GMDS: variants seen among roughly 807,000 people sequenced by gnomAD.
GMDS encodes GDP-mannose 4,6 dehydratase.
In GMDS, 20 loss-of-function variants were observed where a neutral mutation model predicts 49.9. The ratio of observed to expected loss-of-function variants is 0.40; its 90% CI spans 0.28 to 0.58. GMDS has a LOEUF of 0.58. Ranked by LOEUF, GMDS falls within the 20% of genes least tolerant of loss-of-function variation. GMDS has a pLI of 0.42. For missense variants in GMDS, 362 were observed against 481.4 expected, an observed-to-expected ratio of 0.75 and a Z score of 2.32; for synonymous variants, 177 against 178.6, an observed-to-expected ratio of 0.99 and a Z score of 0.07.
At chr6:1,933,904 T>C (rs1762407234) in intron 6 of GMDS, among the ~76,000 whole-genome samples, 1 of 152,228 alleles carries the variant, frequency 6.6e-6, no homozygotes, top group South Asian at 2.1e-4. Context: ...TTTGTCTACA[T>C]TCGCTTGTGT....
At chr6:1,976,247 C>T (rs1002178197) in intron 4 of GMDS, among the ~76,000 whole-genome samples, 3 of 152,170 alleles carry the variant, frequency 2.0e-5, no homozygotes, top group Admixed American at 6.5e-5. Context: ...CTTCAACTGA[C>T]CAATATTTGA....
At chr6:1,693,577 T>C (rs1030014629) in intron 9 of GMDS, among the ~76,000 whole-genome samples, 2 of 152,210 alleles carry the variant, frequency 1.3e-5, no homozygotes, top group Admixed American at 1.3e-4. Context: ...TATTTCCATA[T>C]ATTTTTGTTG....
rs572333814 is a variant in GMDS, at chr6:1,784,331, G to T, written c.772-41745C>A. On this transcript the variant is annotated intron_variant, in intron 7 of 10. Transcript: ENST00000380815. Reference sequence around the variant, plus strand: ...CACTTGAACCTGGGAGGTGGAGGTGGCAGTGAGCCAAGATCACGCCACTGC... The same window carrying T: ...CACTTGAACCTGGGAGGTGGAGGTGTCAGTGAGCCAAGATCACGCCACTGC... Among the ~76,000 whole-genome samples the T allele has an allele frequency of 1.5e-4, 22 of 147,672 alleles. No individual in the cohort carries two copies. In the East Asian group the frequency reaches 4.4e-3, roughly 29 times the overall value.
intron 4 of GMDS, among the ~76,000 whole-genome samples, chr6:1,973,702 A>T (rs975148140): frequency 2.6e-5 from 4 of 152,202 alleles, no homozygotes; most frequent in African/African-American, 9.6e-5. Flanking sequence ...CTATAATTAC[A>T]TTTAAAATGG....
chr6:1,969,243 CAG>C (rs1439594017), intron 4 of GMDS, among the ~76,000 whole-genome samples: 1 of 99,118 alleles, frequency 1.0e-5, no homozygotes, highest in East Asian at 3.4e-4. Context: ...GCCTGGGTGA[CAG>C]AGTGAGGCTC....
At chr6:1,853,675 G>A (rs1757815241) in intron 7 of GMDS, among the ~76,000 whole-genome samples, 1 of 152,128 alleles carries the variant, frequency 6.6e-6, no homozygotes, top group African/African-American at 2.4e-5. Context: ...AGAGCCTAAT[G>A]AAAATTTCAT....
intron 7 of GMDS, among the ~76,000 whole-genome samples, chr6:1,846,085 T>C (rs538439547): frequency 0.012 from 1,814 of 149,514 alleles, 40 homozygotes; most frequent in African/African-American, 0.042. Flanking sequence ...TGTTTCTTTT[T>C]TTTTTTTTTT....
intron 1 of GMDS, among the ~76,000 whole-genome samples, chr6:2,179,025 G>A (rs961337565): frequency 1.3e-5 from 2 of 152,168 alleles, no homozygotes; most frequent in Non-Finnish European, 2.9e-5. Flanking sequence ...GGCATAAACA[G>A]CGAATAAGAA....
intron 7 of GMDS, among the ~76,000 whole-genome samples, chr6:1,887,195 C>T (rs764455611): frequency 6.6e-6 from 1 of 151,980 alleles, no homozygotes; most frequent in Non-Finnish European, 1.5e-5. Context: ...TAATAAAAAC[C>T]TTGCAAGTAG....
At chr6:1,656,990 C>T (rs910710037) in intron 9 of GMDS, among the ~76,000 whole-genome samples, 2 of 152,080 alleles carry the variant, frequency 1.3e-5, no homozygotes, top group African/African-American at 4.8e-5. Flanking sequence ...GTCTCAGTGG[C>T]GGGGGGCACA....
chr6:1,876,509 T>C (rs1214267031), intron 7 of GMDS, among the ~76,000 whole-genome samples: 1 of 152,166 alleles, frequency 6.6e-6, no homozygotes, highest in East Asian at 1.9e-4. Context: ...CTGTGCTCTT[T>C]GGCTGGTAGA....
intron 1 of GMDS, among the ~76,000 whole-genome samples, chr6:2,196,011 T>G (rs1779261788): frequency 6.6e-6 from 1 of 152,074 alleles, no homozygotes; most frequent in Non-Finnish European, 1.5e-5. Flanking sequence ...TGGGGACTGA[T>G]TTCAGCCAAA....
intron 9 of GMDS, among the ~76,000 whole-genome samples, chr6:1,650,009 T>C (rs1763603754): frequency 6.6e-6 from 1 of 152,190 alleles, no homozygotes. Flanking sequence ...ACTTCCGAAG[T>C]GATGATCTTG....
intron 7 of GMDS, among the ~76,000 whole-genome samples, chr6:1,792,318 G>A (rs1341049086): frequency 6.6e-6 from 1 of 150,770 alleles, no homozygotes; most frequent in Non-Finnish European, 1.5e-5. Flanking sequence ...TAACACACAT[G>A]CCAATGTAAT....
chr6:2,124,987 C>T (rs140842930), intron 1 of GMDS, among the ~76,000 whole-genome samples: 3 of 152,314 alleles, frequency 2.0e-5, no homozygotes, highest in African/African-American at 4.8e-5. Context: ...AAGTGATATG[C>T]ATCAACAGAC....
chr6:2,220,302 A>G (rs1192273723), intron 1 of GMDS, among the ~76,000 whole-genome samples: 2 of 152,234 alleles, frequency 1.3e-5, no homozygotes, highest in African/African-American at 4.8e-5. Context: ...ACAAGGCCTC[A>G]CAGATGGAGA....
At chr6:2,082,731 T>C (rs1378012602) in intron 4 of GMDS, among the ~76,000 whole-genome samples, 2 of 152,224 alleles carry the variant, frequency 1.3e-5, no homozygotes, top group South Asian at 2.1e-4. Context: ...TAAGAACATA[T>C]ACTGGTTTGT....
rs1012447532 is a variant in GMDS, at chr6:2,204,343, T to C, written c.102+40978A>G. On this transcript the variant is annotated intron_variant, in intron 1 of 10. Coordinates refer to ENST00000380815, the MANE Select transcript of GMDS (RefSeq NM_001500.4). ...CTACTACTGTAATGCAACAATTAAA[T>C]AGCAATGATTCCATTTACTATCTTC... Among the ~76,000 whole-genome samples the C allele has an allele frequency of 3.3e-5, 5 of 152,224 alleles. No homozygotes were observed. The East Asian group carries it at 5.8e-4, about 18-fold the overall frequency.
intron 9 of GMDS, among the ~76,000 whole-genome samples, chr6:1,702,339 C>A (rs1158482711): frequency 6.6e-6 from 1 of 152,208 alleles, no homozygotes; most frequent in Non-Finnish European, 1.5e-5. Flanking sequence ...CAGAGCATAG[C>A]CTGGCCTAAA....
Sources: gnomAD v4.1 joint callset for allele counts (sites outside exome capture counted in the v4.1 genomes callset) on GRCh38, gnomAD v4.1.1 for gene constraint, MANE v1.5 for transcripts, NCBI Gene and HGNC (gene_info 2026-07-23, HGNC 2026-07-21) for gene names.